HABP2: variants seen among roughly 807,000 people sequenced by gnomAD.
HABP2 encodes factor VII-activating protease.
A neutral mutation model predicts 66.5 loss-of-function variants in HABP2; 65 were observed. The observed-to-expected ratio is 0.98, with a 90% CI of 0.80 to 1.20. The LOEUF (loss-of-function observed/expected upper bound fraction) is 1.20, where lower values mean the gene tolerates loss of function less well. HABP2 is among the 50% of genes most tolerant of loss of function. The pLI, the probability that HABP2 is intolerant of heterozygous loss-of-function variation, is 0.00. For synonymous variants in HABP2, 263 were observed against 253.9 expected (o/e 1.04, Z -0.34); for missense variants, 786 against 691.0 (o/e 1.14, Z -1.54).
chr10:113,586,755 C>G (rs1845643955), intron 12 of HABP2, among the ~76,000 whole-genome samples: 1 of 152,146 alleles, frequency 6.6e-6, no homozygotes, highest in African/African-American at 2.4e-5. Context: ...TCCCCATAAG[C>G]CTTCTAAATG....
chr10:113,589,216 ACCCTCCCC>A lies in HABP2; in HGVS notation c.*848_*855del. ...CCTCCCTTTCCTTTTCCCCTCTTCT[ACCCTCCCC>A]AAGAAAAAGGGCCTTCAAGGCAGGA... On this transcript the variant is annotated 3_prime_UTR_variant, in exon 13 of 13. Transcript: ENST00000351270. The A allele has an allele frequency of 1.5e-6, 1 of 656,954 alleles. No individual in the cohort carries two copies. The highest frequency in any genetic ancestry group is 2.0e-5 in the South Asian group (1 of 49,334). The allele number at this position is 656,954 out of a possible 1,614,324, so 40.7% of individuals were successfully genotyped here.
intron 3 of HABP2, among the ~76,000 whole-genome samples, chr10:113,575,497 G>A (rs912566427): frequency 6.6e-6 from 1 of 152,108 alleles, no homozygotes; most frequent in African/African-American, 2.4e-5. Context: ...CCACCCCTGG[G>A]CACTGGAAGT....
At chr10:113,567,384 G>C (rs1008517258) in intron 1 of HABP2, 105 bp from the exon 2 acceptor site, 1 of 829,620 alleles carries the variant, frequency 1.2e-6, no homozygotes, top group African/African-American at 1.7e-5. Context: ...CAGAAAGCAC[G>C]CAGTGCACCT....
intron 1 of HABP2, among the ~76,000 whole-genome samples, chr10:113,561,883 T>C (rs542083304): frequency 9.2e-5 from 14 of 152,328 alleles, no homozygotes; most frequent in African/African-American, 3.4e-4. Context: ...ACTTGATGTA[T>C]GTGCACCCCA....
chr10:113,565,786 A>C (rs1845186857), intron 1 of HABP2, among the ~76,000 whole-genome samples: 1 of 152,234 alleles, frequency 6.6e-6, no homozygotes, highest in African/African-American at 2.4e-5. Flanking sequence ...TTTACTAAAA[A>C]TACAGTCCTC....
At chr10:113,563,011 T>C (rs1845127979) in intron 1 of HABP2, among the ~76,000 whole-genome samples, 1 of 152,234 alleles carries the variant, frequency 6.6e-6, no homozygotes, top group Non-Finnish European at 1.5e-5. Context: ...AAAACCTCAG[T>C]TTTGTCACCT....
chr10:113,576,097 G>A, intron 4 of HABP2, 93 bp downstream of exon 4: 1 of 757,426 alleles, frequency 1.3e-6, no homozygotes, highest in East Asian at 2.5e-5. Flanking sequence ...GCCATGGAAA[G>A]GATTATAACT....
chr10:113,585,922 G>A lies in HABP2; in HGVS notation c.1502G>A (p.Gly501Glu), dbSNP rs1195631166. 1.2e-6 allele frequency: 2 copies of A among 1,613,916 alleles called. No individual in the cohort carries two copies. The highest frequency in any genetic ancestry group is 1.7e-6 in the Non-Finnish European group (2 of 1,179,942). ...MICAGNLQKP[G>E]QDTCQGDSGG... The stretch of plus-strand genomic sequence containing the variant: ...TGTGCAGGAAATCTTCAGAAACCTG[G>A]GCAAGACACCTGCCAGGTCAGAGAC... The change falls in exon 12 of 13, where the codon GGG (glycine) becomes GAG (glutamate). Residue 501 changes from glycine (G) to glutamate (E), a missense_variant. Transcript: ENST00000351270.
chr10:113,566,670 G>A (rs1431798866), intron 1 of HABP2, among the ~76,000 whole-genome samples: 2 of 152,178 alleles, frequency 1.3e-5, no homozygotes, highest in African/African-American at 2.4e-5. Flanking sequence ...GGGAATAAGC[G>A]GGTGCAGTGA....
intron 12 of HABP2, among the ~76,000 whole-genome samples, chr10:113,587,738 C>A (rs936494112): frequency 2.0e-5 from 3 of 152,062 alleles, no homozygotes; most frequent in South Asian, 4.1e-4. Flanking sequence ...GGATGGGGAT[C>A]TATTGCTATC....
intron 1 of HABP2, among the ~76,000 whole-genome samples, chr10:113,558,158 C>A (rs921117040): frequency 3.9e-5 from 6 of 152,196 alleles, no homozygotes. Flanking sequence ...TCAATAGCCC[C>A]GAAGCTTTGC....
chr10:113,578,627 G>A lies in HABP2; in HGVS notation c.569G>A (p.Gly190Asp), dbSNP rs769188298. 2 of 1,610,914 alleles carry A rather than the reference G, an allele frequency of 1.2e-6. No homozygotes were observed. The highest frequency in any genetic ancestry group is 1.3e-5 in the African/African-American group (1 of 74,744). Residue 190 changes from glycine (G) to aspartate (D), a missense_variant and splice_region_variant, in exon 7 of 13, where the codon GGT (glycine) becomes GAT (aspartate). Physicochemically the swap from Gly to Asp is moderately conservative, Grantham distance 94. Transcript: ENST00000351270. ...DQFKGKFCEI[G>D]SDDCYVGDGY... ...CACATTGCTACCTGCTCTCTCGGAG[G>A]TTCTGATGACTGCTATGTTGGCGAT...
chr10:113,557,781 A>G (rs1469894402), intron 1 of HABP2, among the ~76,000 whole-genome samples: 1 of 152,248 alleles, frequency 6.6e-6, no homozygotes, highest in Non-Finnish European at 1.5e-5. Flanking sequence ...AGTAGCAGCA[A>G]CCACGTATGA....
chr10:113,561,491 C>T (rs1030242321), intron 1 of HABP2, among the ~76,000 whole-genome samples: 9 of 152,278 alleles, frequency 5.9e-5, no homozygotes, highest in Middle Eastern at 3.4e-3. Context: ...ACAGAGGTCT[C>T]TCCTCCCCAG....
chr10:113,572,524 A>T (rs546417600), intron 2 of HABP2: 1 of 236,324 alleles, frequency 4.2e-6, no homozygotes, highest in African/African-American at 2.3e-5. Flanking sequence ...AACAAGAAAT[A>T]ACTAAGCAAT....
chr10:113,579,972 G>T (rs1393608630), intron 7 of HABP2, among the ~76,000 whole-genome samples: 1 of 151,914 alleles, frequency 6.6e-6, no homozygotes, highest in East Asian at 1.9e-4. Flanking sequence ...TAGTAGAGAT[G>T]GGTTTCACCA....
At chr10:113,570,227 C>A (rs1845280245) in intron 2 of HABP2, 1 of 152,180 alleles carries the variant, frequency 6.6e-6, no homozygotes, top group Admixed American at 6.5e-5. Flanking sequence ...AATAATAATA[C>A]CTATGCTATA....
At chr10:113,559,682 G>A (rs966021439) in intron 1 of HABP2, among the ~76,000 whole-genome samples, 20 of 152,184 alleles carry the variant, frequency 1.3e-4, no homozygotes, top group African/African-American at 4.6e-4. Flanking sequence ...CAATTCTTAT[G>A]CACATTGAGG....
At chr10:113,587,562 A>G (rs932651) in intron 12 of HABP2, among the ~76,000 whole-genome samples, 53,371 of 151,996 alleles carry the variant, frequency 0.35, 9,565 homozygotes, top group Admixed American at 0.46. Context: ...CATTTTTTAA[A>G]AACCTGTCAG....
Sources: gnomAD v4.1 joint callset for allele counts (sites outside exome capture counted in the v4.1 genomes callset) on GRCh38, gnomAD v4.1.1 for gene constraint, MANE v1.5 for transcripts, NCBI Gene and HGNC (gene_info 2026-07-23, HGNC 2026-07-21) for gene names.